The following KIF5C variants were observed in gnomAD, a reference collection of about 807,000 sequenced individuals.
KIF5C encodes the protein kinesin heavy chain isoform 5C.
KIF5C carries 18 observed loss-of-function variants against 125.2 expected under a neutral mutation model. The observed-to-expected ratio is 0.14, with a 90% CI of 0.10 to 0.21. The LOEUF (loss-of-function observed/expected upper bound fraction) is 0.21. KIF5C is among the 10% of genes least tolerant of loss of function. The pLI, the probability that KIF5C is intolerant of heterozygous loss-of-function variation, is 1.00. For synonymous variants in KIF5C, 405 were observed against 434.0 expected, an observed-to-expected ratio of 0.93 and a Z score of 0.83; for missense variants, 780 against 1,183.8, an observed-to-expected ratio of 0.66 and a Z score of 5.01.
chr2:148,903,647 T>C (rs984454434), intron 1 of KIF5C, among the ~76,000 whole-genome samples: 4 of 152,220 alleles, frequency 2.6e-5, no homozygotes, highest in Admixed American at 6.5e-5. Context: ...TTTACATATA[T>C]TGTTATTTCG....
chr2:148,972,858 C>A (rs1680955492), intron 11 of KIF5C, among the ~76,000 whole-genome samples: 1 of 152,152 alleles, frequency 6.6e-6, no homozygotes, highest in African/African-American at 2.4e-5. Flanking sequence ...AGGATCTGAG[C>A]CTTAGAGTGT....
At chr2:148,887,950 A>G (rs971298613) in intron 1 of KIF5C, among the ~76,000 whole-genome samples, 6 of 152,154 alleles carry the variant, frequency 3.9e-5, no homozygotes, top group African/African-American at 1.4e-4. Flanking sequence ...CCCCGCCCCT[A>G]TCACTACCCC....
At chr2:148,877,090 T>A (rs965759864) in intron 1 of KIF5C, 2 of 152,268 alleles carry the variant, frequency 1.3e-5, no homozygotes, top group African/African-American at 4.8e-5. Context: ...GTCCCCAGCA[T>A]CTTTGCCAAG....
intron 25 of KIF5C, 97 bp downstream of exon 25, chr2:149,011,780 G>C: frequency 2.7e-6 from 4 of 1,488,378 alleles, no homozygotes; most frequent in South Asian, 1.3e-5. Context: ...GTAGAGAGGA[G>C]TTCTGCTCTA....
At chr2:148,921,612 C>G (rs1379773961) in intron 1 of KIF5C, among the ~76,000 whole-genome samples, 5 of 152,216 alleles carry the variant, frequency 3.3e-5, no homozygotes, top group African/African-American at 1.2e-4. Context: ...CCTCCATCTT[C>G]CCGATCCTGT....
At chr2:148,879,552 T>A (rs1257909548) in intron 1 of KIF5C, 1 of 44,852 alleles carries the variant, frequency 2.2e-5, no homozygotes, top group Admixed American at 2.8e-4. Context: ...AAGTAGAGGG[T>A]GGGGGTGGGT....
chr2:148,977,808 T>C (rs1681116362), intron 12 of KIF5C, among the ~76,000 whole-genome samples: 1 of 152,194 alleles, frequency 6.6e-6, no homozygotes, highest in Non-Finnish European at 1.5e-5. Flanking sequence ...ATGATTCAAA[T>C]GTATGCATAG....
intron 13 of KIF5C, among the ~76,000 whole-genome samples, chr2:148,979,233 G>A (rs983693141): frequency 2.6e-5 from 4 of 152,166 alleles, no homozygotes; most frequent in Admixed American, 6.5e-5. Flanking sequence ...GCTACAGTTC[G>A]TTCTGGAAGG....
intron 12 of KIF5C, among the ~76,000 whole-genome samples, chr2:148,977,731 T>A (rs1681114544): frequency 6.6e-6 from 1 of 152,202 alleles, no homozygotes; most frequent in Non-Finnish European, 1.5e-5. Context: ...GAGATTCAGA[T>A]CCTGTATGGC....
chr2:148,970,423 A>G (rs1680870351), intron 11 of KIF5C, among the ~76,000 whole-genome samples: 3 of 152,238 alleles, frequency 2.0e-5, no homozygotes. Context: ...ATTTATCTTT[A>G]GAACAACCCT....
rs149170343 is a variant in KIF5C at position 148,959,071 on chromosome 2, T to G, written c.969-2900T>G. 7.9e-5 allele frequency among the ~76,000 whole-genome samples: 12 copies of G among 152,320 alleles called. No homozygotes were observed. In the East Asian group the frequency reaches 2.3e-3, roughly 29 times the overall value. On this transcript the variant is annotated intron_variant, in intron 10 of 25. Transcript: ENST00000435030. Reference sequence around the variant, plus strand: ...AGCTTTATTGTTTTACTTTTCACATTTATGTCTGGGATCTCTCTGGAACAG... The same window carrying G: ...AGCTTTATTGTTTTACTTTTCACATGTATGTCTGGGATCTCTCTGGAACAG...
At chr2:149,015,614 A>G (rs1682336598) in intron 25 of KIF5C, among the ~76,000 whole-genome samples, 1 of 152,228 alleles carries the variant, frequency 6.6e-6, no homozygotes, top group Non-Finnish European at 1.5e-5. Flanking sequence ...TGAAGATGCC[A>G]ATATACAAAA....
chr2:148,987,730 A>G (rs1337663948), intron 15 of KIF5C, among the ~76,000 whole-genome samples: 1 of 152,100 alleles, frequency 6.6e-6, no homozygotes, highest in East Asian at 1.9e-4. Context: ...TTACCTTGCT[A>G]CCTTCAAAGG....
At chr2:148,959,516 T>A (rs945935745) in intron 10 of KIF5C, among the ~76,000 whole-genome samples, 8 of 152,168 alleles carry the variant, frequency 5.3e-5, no homozygotes, top group African/African-American at 1.4e-4. Context: ...GTAAGCTGAT[T>A]TTTTCATATT....
chr2:149,009,757 G>A (rs914114391), intron 23 of KIF5C, among the ~76,000 whole-genome samples: 4 of 152,148 alleles, frequency 2.6e-5, no homozygotes, highest in Admixed American at 2.6e-4. Context: ...CTTTCAAACC[G>A]ACTTTAAGTG....
intron 1 of KIF5C, among the ~76,000 whole-genome samples, chr2:148,918,289 G>A (rs944966739): frequency 6.6e-6 from 1 of 152,198 alleles, no homozygotes; most frequent in African/African-American, 2.4e-5. Flanking sequence ...TGTGTGGAAT[G>A]TGTGTGTCTC....
chr2:148,947,748 G>A (rs771005538), intron 8 of KIF5C, among the ~76,000 whole-genome samples: 2 of 152,186 alleles, frequency 1.3e-5, no homozygotes, highest in Non-Finnish European at 2.9e-5. Context: ...GCCACACCCT[G>A]TCTGGAGGCA....
At chr2:148,993,430 C>T (rs896953388) in intron 16 of KIF5C, among the ~76,000 whole-genome samples, 3 of 152,194 alleles carry the variant, frequency 2.0e-5, no homozygotes, top group Non-Finnish European at 2.9e-5. Flanking sequence ...AGCAAAGATT[C>T]GACCATTATT....
intron 22 of KIF5C, 24 bp from the exon 23 acceptor site, chr2:149,007,939 G>T: frequency 6.4e-7 from 1 of 1,561,880 alleles, no homozygotes; most frequent in Non-Finnish European, 8.7e-7. Context: ...AGCCTGTCCT[G>T]CTGACCCCTT....
Sources: allele counts gnomAD v4.1 joint callset (sites outside exome capture counted in the v4.1 genomes callset), GRCh38; gene constraint gnomAD v4.1.1; transcripts MANE v1.5; gene names NCBI Gene and HGNC (gene_info 2026-07-23, HGNC 2026-07-21).